Variants in NRG3 observed in about 807,000 individuals in gnomAD.
NRG3 encodes neuregulin 3.
NRG3 carries 31 observed loss-of-function variants against 66.9 expected under a neutral mutation model. The observed-to-expected ratio is 0.46, with a 90% CI of 0.35 to 0.63. NRG3 has a LOEUF of 0.63. NRG3 is among the 20% of genes least tolerant of loss of function. The pLI, the probability that NRG3 is intolerant of heterozygous loss-of-function variation, is 0.00. For synonymous variants in NRG3, 393 were observed against 359.4 expected (o/e 1.09, Z -1.06); for missense variants, 910 against 878.9 (o/e 1.04, Z -0.45).
At chr10:82,326,576 T>C (rs1242127210) in intron 1 of NRG3, among the ~76,000 whole-genome samples, 1 of 152,176 alleles carries the variant, frequency 6.6e-6, no homozygotes, top group Non-Finnish European at 1.5e-5. Flanking sequence ...ACTTCACTGA[T>C]GCTCATTATT....
At chr10:82,354,014 C>CTTTTTTTTTTTTTTT (rs869307444) in intron 1 of NRG3, among the ~76,000 whole-genome samples, 3 of 112,626 alleles carry the variant, frequency 2.7e-5, no homozygotes, top group African/African-American at 1.1e-4. Context: ...CACTATAACA[C>CTTTTTTTTTTTTTTT]TTTTTTTTTT....
intron 1 of NRG3, among the ~76,000 whole-genome samples, chr10:82,195,201 C>T (rs983151890): frequency 6.6e-6 from 1 of 152,042 alleles, no homozygotes; most frequent in Non-Finnish European, 1.5e-5. Flanking sequence ...ATTCTGAGCC[C>T]CAGAGGGCTA....
chr10:82,143,832 T>A (rs1240969202), intron 1 of NRG3, among the ~76,000 whole-genome samples: 1 of 152,056 alleles, frequency 6.6e-6, no homozygotes, highest in African/African-American at 2.4e-5. Context: ...GAATTCGAGA[T>A]TGGCCTGGGC....
At chr10:82,840,594 C>G (rs1394734500) in intron 3 of NRG3, among the ~76,000 whole-genome samples, 2 of 152,028 alleles carry the variant, frequency 1.3e-5, no homozygotes, top group Non-Finnish European at 2.9e-5. Context: ...TTGACAAAGT[C>G]AAAGTTATTA....
At chr10:82,462,801 TGGGAGA>T (rs2091581848) in intron 2 of NRG3, among the ~76,000 whole-genome samples, 1 of 152,084 alleles carries the variant, frequency 6.6e-6, no homozygotes, top group Admixed American at 6.6e-5. Flanking sequence ...GTTTATTGAG[TGGGAGA>T]TATGACTATA....
At chr10:82,855,980 A>G (rs969899074) in intron 3 of NRG3, among the ~76,000 whole-genome samples, 7 of 152,226 alleles carry the variant, frequency 4.6e-5, no homozygotes, top group African/African-American at 1.7e-4. Context: ...AGTGTTTTCT[A>G]GATTCCAGAA....
chr10:82,786,079 G>A (rs2060349510), intron 3 of NRG3, among the ~76,000 whole-genome samples: 1 of 152,162 alleles, frequency 6.6e-6, no homozygotes, highest in African/African-American at 2.4e-5. Context: ...CTGAGGAAAT[G>A]TCCAGCAGAG....
chr10:82,484,663 G>A (rs1281118341), intron 2 of NRG3, among the ~76,000 whole-genome samples: 1 of 152,216 alleles, frequency 6.6e-6, no homozygotes, highest in Non-Finnish European at 1.5e-5. Flanking sequence ...TCTTTAGCAT[G>A]CAGGGCTACA....
At chr10:82,806,095 T>G (rs342368) in intron 3 of NRG3, among the ~76,000 whole-genome samples, 49,284 of 152,034 alleles carry the variant, frequency 0.32, 8,165 homozygotes, top group Admixed American at 0.38. Context: ...CATCCTAATC[T>G]ACTGCTAGAG....
chr10:81,880,736 A>G (rs1364710327), intron 1 of NRG3, among the ~76,000 whole-genome samples: 1 of 152,224 alleles, frequency 6.6e-6, no homozygotes, highest in African/African-American at 2.4e-5. Flanking sequence ...GAAGTATATA[A>G]GAGCAAGGGA....
At chr10:82,552,732 A>G (rs575395834) in intron 2 of NRG3, among the ~76,000 whole-genome samples, 1 of 152,286 alleles carries the variant, frequency 6.6e-6, no homozygotes, top group South Asian at 2.1e-4. Flanking sequence ...TTTGTCTCCT[A>G]TAGCAAAAAG....
At chr10:82,153,370 T>G (rs1382781383) in intron 1 of NRG3, among the ~76,000 whole-genome samples, 1 of 151,686 alleles carries the variant, frequency 6.6e-6, no homozygotes, top group Admixed American at 6.6e-5. Context: ...TTGTCACAAA[T>G]GACAGAATTT....
At chr10:82,985,056 C>G in intron 8 of NRG3, 42 bp from the exon 9 acceptor site, 2 of 1,592,560 alleles carry the variant, frequency 1.3e-6, no homozygotes, top group South Asian at 2.3e-5. Context: ...CTAACAAAGC[C>G]TGGTAGAAAG....
chr10:82,394,897 A>T (rs1204055801), intron 2 of NRG3, among the ~76,000 whole-genome samples: 1 of 152,104 alleles, frequency 6.6e-6, no homozygotes, highest in Admixed American at 6.5e-5. Flanking sequence ...GCTGCTGTGG[A>T]ATGAATTATC....
In NRG3 at chr10:82,001,440, C is replaced by T. The variant is rs1044433821; in HGVS notation, c.823+125277C>T. On this transcript the variant is annotated intron_variant, in intron 1 of 8. Coordinates refer to ENST00000372141, the MANE Select transcript of NRG3 (RefSeq NM_001010848.4). ...ATTGCTTAAACTCAGGAGGCAGAGG[C>T]TGCAGTGAGCTGAGATTGTGCCATT... Among the ~76,000 whole-genome samples, 8 of 151,708 alleles carry T rather than the reference C, an allele frequency of 5.3e-5. No individual in the cohort carries two copies. In the South Asian group the frequency reaches 1.7e-3, roughly 32 times the overall value.
At position 82,236,627 on chromosome 10, in the gene NRG3, AC is replaced by A. The variant is rs1418663051; in HGVS notation, c.824-122111del. On this transcript the variant is annotated intron_variant, in intron 1 of 8. Transcript: ENST00000372141. ...TTTCTCAGTCATCTGTTTAACCCAAACTATGATTTTATTTTCCCTGGTCTGA... is the reference window on the plus strand; with the variant it reads ...TTTCTCAGTCATCTGTTTAACCCAAATATGATTTTATTTTCCCTGGTCTGA... Among the ~76,000 whole-genome samples the A allele has an allele frequency of 1.9e-4, 29 of 151,074 alleles. No homozygotes were observed. The South Asian group carries it at 3.4e-3, about 17-fold the overall frequency.
chr10:82,051,342 G>A (rs2063582850), intron 1 of NRG3, among the ~76,000 whole-genome samples: 1 of 152,116 alleles, frequency 6.6e-6, no homozygotes, highest in Non-Finnish European at 1.5e-5. Context: ...AGGTATTTCT[G>A]TTAGGGACCT....
chr10:82,073,066 C>T (rs1004606194), intron 1 of NRG3, among the ~76,000 whole-genome samples: 1 of 151,814 alleles, frequency 6.6e-6, no homozygotes, highest in Non-Finnish European at 1.5e-5. Flanking sequence ...TGAGCCACCA[C>T]ACTGGGCCTC....
intron 2 of NRG3, among the ~76,000 whole-genome samples, chr10:82,623,024 A>G (rs536400895): frequency 1.3e-5 from 2 of 150,546 alleles, no homozygotes; most frequent in African/African-American, 2.4e-5. Context: ...CATTTGTATT[A>G]TTTTTCTAGC....
Sources: gnomAD v4.1 joint callset for allele counts (sites outside exome capture counted in the v4.1 genomes callset) on GRCh38, gnomAD v4.1.1 for gene constraint, MANE v1.5 for transcripts, NCBI Gene and HGNC (gene_info 2026-07-23, HGNC 2026-07-21) for gene names.